The following STX8 variants were observed in gnomAD, a reference collection of about 807,000 sequenced individuals.
STX8 encodes the protein syntaxin-8.
In STX8, 23 loss-of-function variants were observed where a neutral mutation model predicts 37.5. The ratio of observed to expected loss-of-function variants is 0.61; its 90% CI spans 0.44 to 0.87. The LOEUF is 0.87. Among genes scored for constraint, STX8 ranks in the 40% least tolerant of loss-of-function variants. The pLI is 0.00. For synonymous variants in STX8, 115 were observed against 99.1 expected (o/e 1.16, Z -0.95); for missense variants, 313 against 284.7 (o/e 1.10, Z -0.71).
chr17:9,320,255 C>T (rs952669263), intron 7 of STX8, among the ~76,000 whole-genome samples: 7 of 150,792 alleles, frequency 4.6e-5, no homozygotes, highest in African/African-American at 9.8e-5. Flanking sequence ...ATCGCTTGAA[C>T]CCGGGAGGTG....
At chr17:9,324,275 T>A (rs1392750438) in intron 7 of STX8, among the ~76,000 whole-genome samples, 1 of 152,204 alleles carries the variant, frequency 6.6e-6, no homozygotes, top group African/African-American at 2.4e-5. Context: ...CTGCTCTTCC[T>A]TCCTGCAGTG....
At chr17:9,364,269 C>T (rs1911154721) in intron 7 of STX8, among the ~76,000 whole-genome samples, 1 of 152,114 alleles carries the variant, frequency 6.6e-6, no homozygotes, top group African/African-American at 2.4e-5. Flanking sequence ...CAAAGTGCCA[C>T]AGTATTCTCT....
chr17:9,512,907 A>G (rs1597718015), intron 4 of STX8, among the ~76,000 whole-genome samples: 1 of 152,224 alleles, frequency 6.6e-6, no homozygotes, highest in East Asian at 1.9e-4. Context: ...CTAAATGTAA[A>G]ACCCAAAACC....
chr17:9,492,061 C>T, intron 5 of STX8, 140 bp from the exon 6 acceptor site: 2 of 550,976 alleles, frequency 3.6e-6, no homozygotes, highest in East Asian at 3.1e-5. Context: ...ATTATTGGAA[C>T]AAAATTTAAA....
At chr17:9,359,233 G>A (rs1199524966) in intron 7 of STX8, among the ~76,000 whole-genome samples, 1 of 151,806 alleles carries the variant, frequency 6.6e-6, no homozygotes, top group Non-Finnish European at 1.5e-5. Flanking sequence ...AGTAGAGATG[G>A]GGTTTCAACA....
chr17:9,546,553 TTTA>T (rs139581436), intron 3 of STX8, among the ~76,000 whole-genome samples: 5,520 of 149,424 alleles, frequency 0.037, 371 homozygotes, highest in African/African-American at 0.13. Flanking sequence ...AGTACAAAGT[TTTA>T]TATACTAGCT....
At chr17:9,446,338 G>T (rs1241207700) in intron 6 of STX8, among the ~76,000 whole-genome samples, 2 of 152,128 alleles carry the variant, frequency 1.3e-5, no homozygotes, top group African/African-American at 2.4e-5. Context: ...TTCTAGCTCA[G>T]ATTTAATGAT....
At chr17:9,288,662 GAAATAAATAAATAAAAT>G (rs1567769572) in intron 7 of STX8, among the ~76,000 whole-genome samples, 1 of 149,542 alleles carries the variant, frequency 6.7e-6, no homozygotes, top group Non-Finnish European at 1.5e-5. Context: ...ACTCCGTCTC[GAAATAAATAAATAAAAT>G]AAATAAATAA....
chr17:9,311,396 AGAAAG>A (rs1258840074), intron 7 of STX8, among the ~76,000 whole-genome samples: 1 of 152,238 alleles, frequency 6.6e-6, no homozygotes, highest in Non-Finnish European at 1.5e-5. Flanking sequence ...AAAGTAAGAC[AGAAAG>A]AAACAATTTT....
chr17:9,250,579 C>G lies in STX8; in HGVS notation c.710G>C (p.Ter237SerextTer3). The change falls in exon 8 of 8, where the codon TGA becomes TCA. Residue 237 changes from the stop codon to serine, a stop_lost. Coordinates refer to ENST00000306357, the MANE Select transcript of STX8 (RefSeq NM_004853.3). ...IVVVAVWPTN[*>S] is the part of the protein sequence containing the mutation. ...CTGCTGGTGGTCTCTTTACTGCCAT[C>G]AGTTGGTCGGCCAGACTGCAACAAC... 1.3e-6 allele frequency: 2 copies of G among 1,591,550 alleles called. No individual in the cohort carries two copies. Among genetic ancestry groups the G allele is most frequent in the Non-Finnish European group, 1.7e-6 (2 of 1,169,066 alleles).
chr17:9,268,977 G>A (rs1005525789), intron 7 of STX8, among the ~76,000 whole-genome samples: 10 of 152,112 alleles, frequency 6.6e-5, no homozygotes, highest in Non-Finnish European at 1.0e-4. Flanking sequence ...CATGAAGTCA[G>A]CAGATCGAGA....
In STX8 at chr17:9,509,093, A is replaced by G. The variant is rs1232456459; in HGVS notation, c.324-3931T>C. ...GAAACTCTGTCTCTACTAAAAATAC[A>G]AAAAAATTAGCTGGGCATGGTGGCA... On this transcript the variant is annotated intron_variant, in intron 4 of 7. Transcript: ENST00000306357. Among the ~76,000 whole-genome samples, 5 of 152,044 alleles carry G rather than the reference A, an allele frequency of 3.3e-5. No individual in the cohort carries two copies. The East Asian group carries it at 7.7e-4, about 24-fold the overall frequency.
At chr17:9,440,753 G>C (rs1904617598) in intron 6 of STX8, among the ~76,000 whole-genome samples, 2 of 152,098 alleles carry the variant, frequency 1.3e-5, no homozygotes, top group South Asian at 2.1e-4. Flanking sequence ...TCAAACTCCT[G>C]ACCTAAGGTG....
chr17:9,388,347 C>T (rs1339695164), intron 6 of STX8, among the ~76,000 whole-genome samples: 1 of 150,900 alleles, frequency 6.6e-6, no homozygotes, highest in Non-Finnish European at 1.5e-5. Flanking sequence ...GCTGGGATTA[C>T]AGGCGTGAGC....
chr17:9,333,451 G>T (rs1235420660), intron 7 of STX8, among the ~76,000 whole-genome samples: 1 of 152,114 alleles, frequency 6.6e-6, no homozygotes, highest in Non-Finnish European at 1.5e-5. Context: ...GCAGTGGCAT[G>T]ATCTCGGCTC....
chr17:9,485,892 G>A (rs1210112918), intron 6 of STX8, among the ~76,000 whole-genome samples: 1 of 152,040 alleles, frequency 6.6e-6, no homozygotes, highest in Non-Finnish European at 1.5e-5. Context: ...GGACAATCCG[G>A]GAGTTCTAAA....
At chr17:9,504,271 C>T (rs1420357258) in intron 5 of STX8, among the ~76,000 whole-genome samples, 1 of 151,096 alleles carries the variant, frequency 6.6e-6, no homozygotes, top group Non-Finnish European at 1.5e-5. Context: ...TTATACATTC[C>T]TATGTTGTTT....
At chr17:9,498,868 A>T (rs1904510643) in intron 5 of STX8, among the ~76,000 whole-genome samples, 1 of 152,222 alleles carries the variant, frequency 6.6e-6, no homozygotes, top group African/African-American at 2.4e-5. Flanking sequence ...CTCAGGGACA[A>T]GGGTGTATAA....
chr17:9,314,619 AGGAT>A (rs1223489644), intron 7 of STX8, among the ~76,000 whole-genome samples: 3 of 149,334 alleles, frequency 2.0e-5, no homozygotes, highest in Middle Eastern at 3.4e-3. Context: ...TGTGTTAGCC[AGGAT>A]GGTCTCGATC....
Sources: allele counts gnomAD v4.1 joint callset (sites outside exome capture counted in the v4.1 genomes callset), GRCh38; gene constraint gnomAD v4.1.1; transcripts MANE v1.5; gene names NCBI Gene and HGNC (gene_info 2026-07-23, HGNC 2026-07-21).